The following YES1 variants were observed in gnomAD, a reference collection of about 807,000 sequenced individuals.
YES1 encodes the protein YES proto-oncogene 1, Src family tyrosine kinase.
A neutral mutation model predicts 70.4 loss-of-function variants in YES1; 39 were observed. The observed-to-expected ratio is 0.55, with a 90% CI of 0.43 to 0.72. The LOEUF is 0.72. Among genes scored for constraint, YES1 ranks in the 30% least tolerant of loss-of-function variants. The probability of loss-of-function intolerance (pLI) is 0.00; values close to 1 mark genes in which losing one functional copy is unlikely to be tolerated. For missense variants in YES1, 495 were observed against 644.8 expected (o/e 0.77, Z 2.52); for synonymous variants, 198 against 218.6 (o/e 0.91, Z 0.83).
At chr18:750,401 C>T (rs2080329229) in intron 3 of YES1, among the ~76,000 whole-genome samples, 1 of 152,200 alleles carries the variant, frequency 6.6e-6, no homozygotes. Flanking sequence ...AACTTCAGCA[C>T]TATTGACACC....
At chr18:769,129 G>T (rs1905042758) in intron 1 of YES1, among the ~76,000 whole-genome samples, 1 of 152,162 alleles carries the variant, frequency 6.6e-6, no homozygotes, top group Non-Finnish European at 1.5e-5. Flanking sequence ...TAGGTATATA[G>T]GTATAATAGG....
chr18:768,152 C>T (rs1904994807), intron 1 of YES1, among the ~76,000 whole-genome samples: 1 of 152,200 alleles, frequency 6.6e-6, no homozygotes, highest in African/African-American at 2.4e-5. Context: ...AGACAATACG[C>T]ACAACACACT....
intron 3 of YES1, 103 bp downstream of exon 3, chr18:751,602 G>A: frequency 1.3e-6 from 1 of 764,730 alleles, no homozygotes; most frequent in Non-Finnish European, 2.2e-6. Flanking sequence ...GGCAGCCCAT[G>A]CCCTACCTCT....
rs868823437 is a variant in YES1 at position 782,188 on chromosome 18, C to T, written c.-8-25353G>A. 3.3e-5 allele frequency among the ~76,000 whole-genome samples: 5 copies of T among 152,306 alleles called. No individual in the cohort carries two copies. The South Asian group carries it at 6.2e-4, about 19-fold the overall frequency. On this transcript the variant is annotated intron_variant, in intron 1 of 11. Transcript: ENST00000314574. ...TTCATCTTTCATCTTTGCTACTATGCTCATGTGCTTCATTCTTCTCTCCTG... is the reference window on the plus strand; with the variant it reads ...TTCATCTTTCATCTTTGCTACTATGTTCATGTGCTTCATTCTTCTCTCCTG...
At position 799,701 on chromosome 18, in the gene YES1, T is replaced by C. The variant is rs1038436475; in HGVS notation, c.-9+12413A>G. On this transcript the variant is annotated intron_variant, in intron 1 of 11. Coordinates refer to ENST00000314574, the MANE Select transcript of YES1 (RefSeq NM_005433.4). ...CTGGGCAACAGAGCGAGACTCCATT[T>C]CAAAAAAAATTTTAATTTAAAAATA... Among the ~76,000 whole-genome samples, 5 of 151,560 alleles carry C rather than the reference T, an allele frequency of 3.3e-5. No individual in the cohort carries two copies. The East Asian group carries it at 9.7e-4, about 29-fold the overall frequency.
chr18:782,730 T>G (rs2145799932), intron 1 of YES1, among the ~76,000 whole-genome samples: 1 of 152,362 alleles, frequency 6.6e-6, no homozygotes, highest in Non-Finnish European at 1.5e-5. Flanking sequence ...AGTCTCGTTC[T>G]GTCACCCAGG....
At position 721,672 on chromosome 18, in the gene YES1, T is replaced by C. The variant is rs1375416793; in HGVS notation, c.*2752A>G. 6.6e-6 allele frequency: 1 copy of C among 152,206 alleles called. No homozygotes were observed. The highest frequency in any genetic ancestry group is 1.5e-5 in the Non-Finnish European group (1 of 68,024). The allele number at this position is 152,206 out of a possible 1,614,324, so 9.4% of individuals were successfully genotyped here. On this transcript the variant is annotated 3_prime_UTR_variant, in exon 12 of 12. Coordinates refer to ENST00000314574, the MANE Select transcript of YES1 (RefSeq NM_005433.4). ...AAGTAACTGAACATTTTTTTCTCAA[T>C]GGAAGAATAAATTCAGAATATATCA...
At chr18:748,638 A>G (rs1490808576) in intron 3 of YES1, among the ~76,000 whole-genome samples, 1 of 152,162 alleles carries the variant, frequency 6.6e-6, no homozygotes, top group Non-Finnish European at 1.5e-5. Flanking sequence ...AAATATGTGC[A>G]TTTATGTGGT....
rs555212897 is a variant in YES1, at chr18:743,240, C to T, written c.880+20G>A. 6.3e-7 allele frequency: 1 copy of T among 1,599,704 alleles called. No individual in the cohort carries two copies. The highest frequency in any genetic ancestry group is 1.7e-5 in the Admixed American group (1 of 58,696). ...TCCACAGCTAAACAATGACAGAAAA[C>T]AAAAATTCAGGCTTCTTACCCATCC... On this transcript the variant is annotated intron_variant, in intron 7 of 11. Coordinates refer to ENST00000314574, the MANE Select transcript of YES1 (RefSeq NM_005433.4).
intron 10 of YES1, chr18:736,590 T>C (rs2080156043): frequency 2.2e-6 from 1 of 459,750 alleles, no homozygotes; most frequent in African/African-American, 2.0e-5. Flanking sequence ...TACTACTTGC[T>C]CTATGTATAA....
intron 2 of YES1, among the ~76,000 whole-genome samples, chr18:754,689 G>A (rs968752527): frequency 2.7e-5 from 4 of 147,898 alleles, no homozygotes; most frequent in African/African-American, 5.0e-5. Context: ...TCCAGCCTGG[G>A]TGACAGAGAG....
chr18:752,775 T>C (rs956511136), intron 2 of YES1, among the ~76,000 whole-genome samples: 2 of 152,108 alleles, frequency 1.3e-5, no homozygotes, highest in African/African-American at 4.8e-5. Flanking sequence ...AAACCCTGTC[T>C]GTACTAAAAA....
At chr18:735,161 C>CAAAAAAAAAAAAAAAAAAAAAAAAAA (rs71174281) in intron 10 of YES1, among the ~76,000 whole-genome samples, 18 of 110,626 alleles carry the variant, frequency 1.6e-4, no homozygotes, top group African/African-American at 2.7e-4. Context: ...TGTCTCAAAG[C>CAAAAAAAAAAAAAAAAAAAAAAAAAA]AAAAAAAAAA....
intron 1 of YES1, among the ~76,000 whole-genome samples, chr18:768,072 T>C (rs1316956232): frequency 6.6e-6 from 1 of 152,214 alleles, no homozygotes; most frequent in Admixed American, 6.6e-5. Flanking sequence ...TAAAATATTT[T>C]AAGCTTTGTG....
chr18:743,629 C>T (rs1027803891), intron 6 of YES1, among the ~76,000 whole-genome samples: 7 of 151,824 alleles, frequency 4.6e-5, no homozygotes, highest in African/African-American at 1.7e-4. Flanking sequence ...TTTTTAAGGC[C>T]GGGCAAGGTG....
At chr18:776,288 G>A (rs1442728170) in intron 1 of YES1, among the ~76,000 whole-genome samples, 2 of 151,948 alleles carry the variant, frequency 1.3e-5, no homozygotes, top group Admixed American at 1.3e-4. Context: ...CTGCCTCTGG[G>A]GTTCAAGTGA....
At chr18:782,641 G>A (rs1263196754) in intron 1 of YES1, among the ~76,000 whole-genome samples, 11 of 152,170 alleles carry the variant, frequency 7.2e-5, no homozygotes, top group Admixed American at 7.2e-4. Flanking sequence ...ATATGAATGG[G>A]AAATGTGTGA....
chr18:792,802 T>A (rs997937683), intron 1 of YES1, among the ~76,000 whole-genome samples: 3 of 150,746 alleles, frequency 2.0e-5, no homozygotes, highest in East Asian at 1.9e-4. Context: ...CTTTATTTTT[T>A]AAAAAAATGT....
chr18:737,193 C>A, intron 9 of YES1: 1 of 371,682 alleles, frequency 2.7e-6, no homozygotes, highest in South Asian at 4.6e-5. Context: ...TGGCCCACAC[C>A]TATAATCCCA....
Sources: allele counts gnomAD v4.1 joint callset (sites outside exome capture counted in the v4.1 genomes callset), GRCh38; gene constraint gnomAD v4.1.1; transcripts MANE v1.5; gene names NCBI Gene and HGNC (gene_info 2026-07-23, HGNC 2026-07-21).